CADPS2: variants seen among roughly 807,000 people sequenced by gnomAD.
The protein encoded by CADPS2 is calcium dependent secretion activator 2, also known as calcium-dependent secretion activator 2.
CADPS2 carries 93 observed loss-of-function variants against 172.5 expected under a neutral mutation model. The observed-to-expected ratio is 0.54, with a 90% CI of 0.46 to 0.64. CADPS2 has a LOEUF of 0.64. CADPS2 is among the 30% of genes least tolerant of loss of function. The pLI is 0.00. For missense variants in CADPS2, 1,420 were observed against 1,565.9 expected, an observed-to-expected ratio of 0.91 and a Z score of 1.57; for synonymous variants, 546 against 555.2, an observed-to-expected ratio of 0.98 and a Z score of 0.23.
intron 1 of CADPS2, among the ~76,000 whole-genome samples, chr7:122,812,685 T>C (rs376022156): frequency 3.3e-5 from 5 of 152,144 alleles, no homozygotes; most frequent in Non-Finnish European, 7.4e-5. Context: ...TTCTTTATGA[T>C]AGGACCAATG....
At chr7:122,782,264 T>A (rs2139422684) in intron 1 of CADPS2, among the ~76,000 whole-genome samples, 1 of 152,310 alleles carries the variant, frequency 6.6e-6, no homozygotes. Flanking sequence ...AGGGATAATC[T>A]CCTCTTGCCA....
In CADPS2 at chr7:122,411,823, C is replaced by T. The variant is rs138477398; in HGVS notation, c.2589+2245G>A. 2.3e-3 allele frequency among the ~76,000 whole-genome samples: 352 copies of T among 152,088 alleles called. 2 individuals are homozygous for T. Among genetic ancestry groups the T allele is most frequent in the African/African-American group, 7.6e-3 (315 of 41,456 alleles). On this transcript the variant is annotated intron_variant, in intron 19 of 29. Coordinates refer to ENST00000449022, the MANE Select transcript of CADPS2 (RefSeq NM_017954.11). ...TATTTAAGTTCTCTTGAGGGACAGA[C>T]GAATGAACAGGTGACACCTATTGTC...
chr7:122,722,186 G>A (rs1312354711), intron 2 of CADPS2, among the ~76,000 whole-genome samples: 1 of 152,008 alleles, frequency 6.6e-6, no homozygotes, highest in Admixed American at 6.6e-5. Flanking sequence ...TGGAAGTTCT[G>A]GCCAGGGCAA....
At chr7:122,590,592 T>C (rs764624102) in intron 6 of CADPS2, among the ~76,000 whole-genome samples, 1 of 151,868 alleles carries the variant, frequency 6.6e-6, no homozygotes, top group Non-Finnish European at 1.5e-5. Flanking sequence ...CCTTCATATA[T>C]ATTCATATAT....
At position 122,793,882 on chromosome 7, in the gene CADPS2, T is replaced by C. The variant is rs111693344; in HGVS notation, c.340-56814A>G. 2.4e-3 allele frequency among the ~76,000 whole-genome samples: 369 copies of C among 152,250 alleles called. 1 individual carries two copies. The highest frequency in any genetic ancestry group is 8.1e-3 in the African/African-American group (336 of 41,556). ...AAAAAGATCTTATTTCCTCTTCACTTATGAGGCTTACTTTGCCTGAAAACA... is the reference window on the plus strand; with the variant it reads ...AAAAAGATCTTATTTCCTCTTCACTCATGAGGCTTACTTTGCCTGAAAACA... On this transcript the variant is annotated intron_variant, in intron 1 of 29. Coordinates refer to ENST00000449022, the MANE Select transcript of CADPS2 (RefSeq NM_017954.11).
chr7:122,601,071 A>C (rs1033752754), intron 6 of CADPS2, among the ~76,000 whole-genome samples: 6 of 152,068 alleles, frequency 3.9e-5, no homozygotes, highest in African/African-American at 1.4e-4. Flanking sequence ...CATAGTGCAT[A>C]AATATTGTAT....
At chr7:122,525,158 T>TA (rs1279562892) in intron 8 of CADPS2, among the ~76,000 whole-genome samples, 4 of 151,828 alleles carry the variant, frequency 2.6e-5, no homozygotes, top group East Asian at 1.9e-4. Context: ...AAAAATTCTT[T>TA]AAAAAGTTTT....
At chr7:122,794,147 C>T (rs1439899202) in intron 1 of CADPS2, among the ~76,000 whole-genome samples, 1 of 152,030 alleles carries the variant, frequency 6.6e-6, no homozygotes. Context: ...ATGTTGGCCA[C>T]TCTAGGTAGA....
intron 1 of CADPS2, among the ~76,000 whole-genome samples, chr7:122,810,611 G>T (rs1353335598): frequency 6.6e-6 from 1 of 152,096 alleles, no homozygotes; most frequent in African/African-American, 2.4e-5. Flanking sequence ...GTTTAAGAAA[G>T]CAATATAACC....
chr7:122,717,933 C>A (rs866032336), intron 2 of CADPS2, among the ~76,000 whole-genome samples: 6 of 151,194 alleles, frequency 4.0e-5, no homozygotes, highest in Admixed American at 1.3e-4. Flanking sequence ...TTCAGCCTCC[C>A]GAGTTGCTGG....
intron 8 of CADPS2, among the ~76,000 whole-genome samples, chr7:122,542,190 G>A (rs761635832): frequency 7.9e-5 from 12 of 152,020 alleles, no homozygotes; most frequent in Non-Finnish European, 1.6e-4. Context: ...GGGAGGTTAA[G>A]TAACTTGCCT....
chr7:122,810,388 C>G (rs1282547337), intron 1 of CADPS2, among the ~76,000 whole-genome samples: 2 of 152,102 alleles, frequency 1.3e-5, no homozygotes, highest in African/African-American at 4.8e-5. Context: ...TGTATGTCTT[C>G]CAGGTCATAT....
At chr7:122,579,450 A>AAT (rs3034498) in intron 7 of CADPS2, among the ~76,000 whole-genome samples, 6,686 of 128,442 alleles carry the variant, frequency 0.052, 206 homozygotes, top group East Asian at 0.11. Context: ...AATTGCATCG[A>AAT]ATATATATAT....
intron 24 of CADPS2, among the ~76,000 whole-genome samples, chr7:122,385,462 G>A (rs2043515471): frequency 6.6e-6 from 1 of 151,910 alleles, no homozygotes; most frequent in African/African-American, 2.4e-5. Context: ...CTGCTTAGAT[G>A]AGAATTGTCA....
chr7:122,658,823 T>G (rs889007379), intron 3 of CADPS2, among the ~76,000 whole-genome samples: 1 of 152,158 alleles, frequency 6.6e-6, no homozygotes, highest in African/African-American at 2.4e-5. Flanking sequence ...ACATGGCACA[T>G]GTATACATAT....
intron 14 of CADPS2, among the ~76,000 whole-genome samples, chr7:122,457,379 A>G (rs1474883963): frequency 6.6e-6 from 1 of 152,234 alleles, no homozygotes; most frequent in Non-Finnish European, 1.5e-5. Flanking sequence ...TTGTAACACC[A>G]ATAAAAACTA....
Position 122,535,921 on chromosome 7 carries a change from G to A in CADPS2, c.1475+18629C>T, listed in dbSNP as rs539255744. 2.0e-5 allele frequency among the ~76,000 whole-genome samples: 3 copies of A among 152,164 alleles called. No homozygotes were observed. In the South Asian group the frequency reaches 6.2e-4, roughly 32 times the overall value. On this transcript the variant is annotated intron_variant, in intron 8 of 29. Coordinates refer to ENST00000449022, the MANE Select transcript of CADPS2 (RefSeq NM_017954.11). ...GATAAAGAAGGATAACAAGACCTTAGAGGAAACCCTAGACTATTAGCACCA... is the reference window on the plus strand; with the variant it reads ...GATAAAGAAGGATAACAAGACCTTAAAGGAAACCCTAGACTATTAGCACCA...
intron 1 of CADPS2, among the ~76,000 whole-genome samples, chr7:122,876,432 G>C (rs1821227134): frequency 6.6e-6 from 1 of 152,172 alleles, no homozygotes; most frequent in South Asian, 2.1e-4. Flanking sequence ...TGCAATCACA[G>C]ATCATTGTAG....
intron 1 of CADPS2, among the ~76,000 whole-genome samples, chr7:122,885,619 T>C (rs549791432): frequency 6.6e-6 from 1 of 152,224 alleles, no homozygotes; most frequent in East Asian, 1.9e-4. Flanking sequence ...GCTCTAGCAA[T>C]ATCACGCCAG....
Sources: gnomAD v4.1 joint callset for allele counts (sites outside exome capture counted in the v4.1 genomes callset) on GRCh38, gnomAD v4.1.1 for gene constraint, MANE v1.5 for transcripts, NCBI Gene and HGNC (gene_info 2026-07-23, HGNC 2026-07-21) for gene names.